ASAP1: variants seen among roughly 807,000 people sequenced by gnomAD.
ASAP1 encodes the protein arf-GAP with SH3 domain, ANK repeat and PH domain-containing protein 1.
Under a neutral mutation model 145.2 loss-of-function variants are expected in ASAP1, and 43 were observed. The ratio of observed to expected loss-of-function variants is 0.30; its 90% CI spans 0.23 to 0.38. ASAP1 has a LOEUF of 0.38. ASAP1 is among the 10% of genes least tolerant of loss of function. The pLI, the probability that ASAP1 is intolerant of heterozygous loss-of-function variation, is 1.00. For synonymous variants in ASAP1, 546 were observed against 515.5 expected, an observed-to-expected ratio of 1.06 and a Z score of -0.80; for missense variants, 1,018 against 1,355.3, an observed-to-expected ratio of 0.75 and a Z score of 3.91.
At chr8:130,397,368 T>C (rs960470919) in intron 2 of ASAP1, among the ~76,000 whole-genome samples, 2 of 152,172 alleles carry the variant, frequency 1.3e-5, no homozygotes, top group African/African-American at 4.8e-5. Context: ...CTCAAACTCC[T>C]GGCCTCAGGT....
In ASAP1 at chr8:130,392,713, T is replaced by C. The variant is rs1364211015; in HGVS notation, c.59+9172A>G. Among the ~76,000 whole-genome samples the C allele has an allele frequency of 3.3e-5, 5 of 152,168 alleles. No individual in the cohort carries two copies. In the East Asian group the frequency reaches 9.6e-4, roughly 29 times the overall value. Reference sequence around the variant, plus strand: ...GGTTGCACAAGAAGCCAGCACCTGCTTCTGTGAGGGCCTCAGGTTGCTTCA... The same window carrying C: ...GGTTGCACAAGAAGCCAGCACCTGCCTCTGTGAGGGCCTCAGGTTGCTTCA... On this transcript the variant is annotated intron_variant, in intron 2 of 29. Transcript: ENST00000518721.
intron 1 of ASAP1, among the ~76,000 whole-genome samples, chr8:130,440,190 T>A (rs1830443838): frequency 6.6e-6 from 1 of 152,142 alleles, no homozygotes; most frequent in Non-Finnish European, 1.5e-5. Flanking sequence ...TAAGTGGTCT[T>A]CCTGCTTCTA....
intron 3 of ASAP1, among the ~76,000 whole-genome samples, chr8:130,335,953 G>A (rs1159803840): frequency 3.9e-5 from 6 of 152,138 alleles, no homozygotes; most frequent in African/African-American, 1.4e-4. Context: ...GCAACTTAAT[G>A]GTTATGAAGT....
intron 11 of ASAP1, chr8:130,160,638 T>C (rs116505936): frequency 2.7e-6 from 1 of 369,752 alleles, no homozygotes; most frequent in Non-Finnish European, 4.7e-6. Flanking sequence ...CATTTAACCA[T>C]AGTTTCTAAG....
intron 3 of ASAP1, among the ~76,000 whole-genome samples, chr8:130,286,024 T>C (rs1821588439): frequency 6.6e-6 from 1 of 152,232 alleles, no homozygotes; most frequent in South Asian, 2.1e-4. Context: ...ACTGAAAACC[T>C]ACTATGTGCC....
At chr8:130,162,982 GT>G (rs1418426975) in intron 11 of ASAP1, 5 of 160,926 alleles carry the variant, frequency 3.1e-5, no homozygotes, top group African/African-American at 1.2e-4. Context: ...TCTCGTGGTA[GT>G]TTTCTTTTTG....
In ASAP1 at chr8:130,165,236, T is replaced by C. The variant is rs572341053; in HGVS notation, c.909+2300A>G. 8.5e-5 allele frequency among the ~76,000 whole-genome samples: 13 copies of C among 152,286 alleles called. No homozygotes were observed. In the East Asian group the frequency reaches 1.5e-3, roughly 18 times the overall value. On this transcript the variant is annotated intron_variant, in intron 11 of 29. Coordinates refer to ENST00000518721, the MANE Select transcript of ASAP1 (RefSeq NM_018482.4). Reference sequence around the variant, plus strand: ...AAACAAAAAGGGGTTGTAACAGTCCTCCTCTTTATTTTTCAAGAAAGCTTC... The same window carrying C: ...AAACAAAAAGGGGTTGTAACAGTCCCCCTCTTTATTTTTCAAGAAAGCTTC...
rs150213974 is a variant in ASAP1, at chr8:130,152,224, T to C, written c.1080+512A>G. Reference sequence around the variant, plus strand: ...ATTACTGGGTTAAACAGCAAGCACATTAAAAAAGTCTTGGCATATACTTTG... The same window carrying C: ...ATTACTGGGTTAAACAGCAAGCACACTAAAAAAGTCTTGGCATATACTTTG... On this transcript the variant is annotated intron_variant, in intron 13 of 29. Transcript: ENST00000518721. Among the ~76,000 whole-genome samples, 436 of 152,334 alleles carry C rather than the reference T, an allele frequency of 2.9e-3. 4 individuals carry two copies. Among genetic ancestry groups the C allele is most frequent in the African/African-American group, 0.01 (420 of 41,574 alleles).
intron 3 of ASAP1, among the ~76,000 whole-genome samples, chr8:130,325,461 A>C (rs1051244729): frequency 2.0e-5 from 3 of 152,238 alleles, no homozygotes; most frequent in African/African-American, 4.8e-5. Context: ...AGCACTTATC[A>C]TATTTTGTTC....
intron 24 of ASAP1, among the ~76,000 whole-genome samples, 175 bp downstream of exon 24, chr8:130,111,919 C>T (rs1001790533): frequency 1.3e-5 from 2 of 152,226 alleles, no homozygotes; most frequent in African/African-American, 4.8e-5. Flanking sequence ...CTGTCCTGCT[C>T]TTGGTACCTG....
chr8:130,274,072 G>A (rs890129417), intron 3 of ASAP1, among the ~76,000 whole-genome samples: 1 of 152,160 alleles, frequency 6.6e-6, no homozygotes, highest in African/African-American at 2.4e-5. Context: ...GGTAATGTTT[G>A]CAATAAATTC....
intron 10 of ASAP1, among the ~76,000 whole-genome samples, chr8:130,167,979 A>G (rs2097683365): frequency 1.3e-5 from 2 of 152,174 alleles, no homozygotes; most frequent in South Asian, 4.1e-4. Context: ...AGAGAATCCT[A>G]AGAATGACCA....
At chr8:130,127,276 G>C (rs2097576457) in intron 16 of ASAP1, among the ~76,000 whole-genome samples, 1 of 152,094 alleles carries the variant, frequency 6.6e-6, no homozygotes, top group South Asian at 2.1e-4. Context: ...GAGTGCAATG[G>C]TGCAATCTTG....
intron 9 of ASAP1, among the ~76,000 whole-genome samples, chr8:130,177,259 T>C (rs1311842139): frequency 6.6e-6 from 1 of 152,234 alleles, no homozygotes; most frequent in Non-Finnish European, 1.5e-5. Context: ...CGAAGGCTAA[T>C]ATATGTATAC....
intron 3 of ASAP1, among the ~76,000 whole-genome samples, chr8:130,303,644 C>T (rs1446297481): frequency 6.6e-6 from 1 of 151,436 alleles, no homozygotes; most frequent in Non-Finnish European, 1.5e-5. Context: ...ATGCGTACTG[C>T]TAAGTGAAAA....
chr8:130,195,976 G>A (rs1815457991), intron 5 of ASAP1, among the ~76,000 whole-genome samples: 2 of 152,190 alleles, frequency 1.3e-5, no homozygotes, highest in Non-Finnish European at 2.9e-5. Flanking sequence ...TTCACTAGAA[G>A]GTTTGCTTCT....
At chr8:130,296,575 T>A (rs903566394) in intron 3 of ASAP1, among the ~76,000 whole-genome samples, 4 of 151,656 alleles carry the variant, frequency 2.6e-5, no homozygotes, top group Non-Finnish European at 4.4e-5. Context: ...GCTAGAGATT[T>A]ATCATTCATT....
intron 18 of ASAP1, 54 bp downstream of exon 18, chr8:130,123,959 A>G: frequency 7.4e-7 from 1 of 1,347,716 alleles, no homozygotes; most frequent in Non-Finnish European, 1.0e-6. Flanking sequence ...TTGGAAGGGT[A>G]GAAAAACAAT....
chr8:130,074,439 A>AC, intron 27 of ASAP1, among the ~76,000 whole-genome samples: 1 of 124,442 alleles, frequency 8.0e-6, no homozygotes, highest in African/African-American at 3.2e-5. Flanking sequence ...TCCAAATAGT[A>AC]AACACACACA....
Sources: allele counts gnomAD v4.1 joint callset (sites outside exome capture counted in the v4.1 genomes callset), GRCh38; gene constraint gnomAD v4.1.1; transcripts MANE v1.5; gene names NCBI Gene and HGNC (gene_info 2026-07-23, HGNC 2026-07-21).